Variants in RAG1 observed in about 807,000 individuals in gnomAD.
The protein encoded by RAG1 is V(D)J recombination-activating protein 1.
RAG1 carries 35 observed loss-of-function variants against 62.7 expected under a neutral mutation model. The observed-to-expected ratio is 0.56, with a 90% CI of 0.43 to 0.74. The LOEUF (loss-of-function observed/expected upper bound fraction) is 0.74. Ranked by LOEUF, RAG1 falls within the 30% of genes least tolerant of loss-of-function variation. The pLI is 0.00. For synonymous variants in RAG1, 461 were observed against 470.3 expected, an observed-to-expected ratio of 0.98 and a Z score of 0.26; for missense variants, 1,169 against 1,278.6, an observed-to-expected ratio of 0.91 and a Z score of 1.31.
At chr11:36,533,718 A>G (rs1293554244) in intron 2 of RAG1, among the ~76,000 whole-genome samples, 2 of 152,104 alleles carry the variant, frequency 1.3e-5, no homozygotes, top group Admixed American at 6.6e-5. Context: ...GGATGCCTCT[A>G]TTCTTTCCTT....
chr11:36,529,394 A>T (rs1490259880), intron 2 of RAG1, among the ~76,000 whole-genome samples: 1 of 152,324 alleles, frequency 6.6e-6, no homozygotes, highest in East Asian at 1.9e-4. Context: ...GACAAAAACC[A>T]CATGATTATG....
chr11:36,562,208 T>C (rs777898094), intron 3 of RAG1, among the ~76,000 whole-genome samples: 1 of 152,172 alleles, frequency 6.6e-6, no homozygotes, highest in Non-Finnish European at 1.5e-5. Context: ...GAGGAAGAGA[T>C]AAATGAAAGA....
chr11:36,511,679 C>T (rs984505425), intron 1 of RAG1, among the ~76,000 whole-genome samples: 2 of 152,192 alleles, frequency 1.3e-5, no homozygotes, highest in Admixed American at 6.5e-5. Flanking sequence ...TCTGTGTGCT[C>T]ACCACCCAGC....
chr11:36,548,173 G>A (rs1297313814), intron 3 of RAG1, among the ~76,000 whole-genome samples: 1 of 152,156 alleles, frequency 6.6e-6, no homozygotes, highest in African/African-American at 2.4e-5. Context: ...ATATCATACT[G>A]AATGGACAAA....
At chr11:36,572,563 A>G (rs764879767) in intron 1 of RAG1, among the ~76,000 whole-genome samples, 2 of 152,214 alleles carry the variant, frequency 1.3e-5, no homozygotes, top group Non-Finnish European at 2.9e-5. Flanking sequence ...ATCTCAGTCT[A>G]TGTACACTCA....
upstream of RAG1, among the ~76,000 whole-genome samples, chr11:36,567,614 A>G (rs976363353): frequency 6.6e-6 from 1 of 152,258 alleles, no homozygotes; most frequent in African/African-American, 2.4e-5. Flanking sequence ...AGAGGCAGAC[A>G]TCGTTTCAAG....
At chr11:36,546,103 G>T (rs10082652) in intron 3 of RAG1, among the ~76,000 whole-genome samples, 1 of 152,064 alleles carries the variant, frequency 6.6e-6, no homozygotes, top group African/African-American at 2.4e-5. Flanking sequence ...AGGTCCACTT[G>T]GTCCAGAGCT....
Position 36,574,861 on chromosome 11 carries a change from C to G in RAG1, c.1557C>G (p.His519Gln), listed in dbSNP as rs2133295987. ...AGGTACTTCTGCCAGGCTACCACCACTTTGAGTGGCAGCCACCTCTGAAGA... is the reference window on the plus strand; with the variant it reads ...AGGTACTTCTGCCAGGCTACCACCAGTTTGAGTGGCAGCCACCTCTGAAGA... ...AEKVLLPGYH[H>Q]FEWQPPLKNV... The change falls in exon 2 of 2, where the codon CAC (histidine) becomes CAG (glutamine). Residue 519 changes from histidine to glutamine, a missense_variant. His to Gln is a conservative substitution (Grantham distance 24). Coordinates refer to ENST00000299440, the MANE Select transcript of RAG1 (RefSeq NM_000448.3). 1 of 1,614,222 alleles carries G rather than the reference C, an allele frequency of 6.2e-7. No individual in the cohort carries two copies. The highest frequency in any genetic ancestry group is 8.5e-7 in the Non-Finnish European group (1 of 1,180,042).
At chr11:36,534,810 AT>A (rs1227121105) in intron 2 of RAG1, among the ~76,000 whole-genome samples, 1 of 152,072 alleles carries the variant, frequency 6.6e-6, no homozygotes, top group Non-Finnish European at 1.5e-5. Flanking sequence ...TTGTATGCCT[AT>A]TTCATTTATA....
At chr11:36,518,181 T>C (rs1341960155) in intron 1 of RAG1, among the ~76,000 whole-genome samples, 1 of 152,132 alleles carries the variant, frequency 6.6e-6, no homozygotes, top group Non-Finnish European at 1.5e-5. Flanking sequence ...CATCATTTTT[T>C]ATGGCTGCAT....
chr11:36,521,840 A>G (rs1055352078), intron 2 of RAG1, among the ~76,000 whole-genome samples: 21 of 152,198 alleles, frequency 1.4e-4, no homozygotes, highest in African/African-American at 5.1e-4. Flanking sequence ...ACTGGAGAAA[A>G]GGTGCCTCTT....
chr11:36,531,518 A>G (rs950211719), intron 2 of RAG1, among the ~76,000 whole-genome samples: 1 of 151,866 alleles, frequency 6.6e-6, no homozygotes, highest in Non-Finnish European at 1.5e-5. Context: ...TACATTATAT[A>G]TATGTATATA....
At chr11:36,540,524 C>T (rs1273567748), downstream of RAG1, among the ~76,000 whole-genome samples, 2 of 152,156 alleles carry the variant, frequency 1.3e-5, no homozygotes, top group Admixed American at 6.5e-5. Flanking sequence ...CCTGCCTCAG[C>T]CTCCCGAGTA....
intron 3 of RAG1, among the ~76,000 whole-genome samples, chr11:36,544,509 ATCT>A (rs1341345552): frequency 6.6e-6 from 1 of 152,206 alleles, no homozygotes; most frequent in Non-Finnish European, 1.5e-5. Context: ...GTCCTTGTGC[ATCT>A]TTCCAGAGAT....
At chr11:36,523,988 A>T (rs1860120634) in intron 2 of RAG1, among the ~76,000 whole-genome samples, 1 of 151,554 alleles carries the variant, frequency 6.6e-6, no homozygotes, top group South Asian at 2.1e-4. Context: ...CCACCTTTAA[A>T]CCCCCCAAAC....
In RAG1 at chr11:36,575,913, G is replaced by A; in HGVS notation, c.2609G>A (p.Cys870Tyr). 6.2e-7 allele frequency: 1 copy of A among 1,614,172 alleles called. No homozygotes were observed. The highest frequency in any genetic ancestry group is 8.5e-7 in the Non-Finnish European group (1 of 1,180,044). Residue 870 changes from cysteine (C) to tyrosine (Y), a missense_variant, in exon 2 of 2, where the codon TGT (cysteine) becomes TAT (tyrosine). Transcript: ENST00000299440. The surrounding 1 kb of genome is among the most constrained non-coding windows in gnomAD (Gnocchi z 4.1). The part of the protein sequence containing the change: ...LMTKETVDAV[C>Y]ELIPSEERHE... ...ACCAAAGAGACTGTGGATGCAGTTT[G>A]TGAGTTAATTCCTTCCGAGGAGAGG...
At chr11:36,571,838 G>A (rs1430593255) in intron 1 of RAG1, among the ~76,000 whole-genome samples, 8 of 152,068 alleles carry the variant, frequency 5.3e-5, no homozygotes, top group Non-Finnish European at 1.0e-4. Flanking sequence ...GGCTGGTCTC[G>A]AACTCCTGAC....
chr11:36,562,334 A>G (rs1850602147), intron 3 of RAG1, among the ~76,000 whole-genome samples: 1 of 152,152 alleles, frequency 6.6e-6, no homozygotes, highest in Non-Finnish European at 1.5e-5. Flanking sequence ...ATTGTATTTA[A>G]CGGTGTGCAA....
At chr11:36,571,266 T>C (rs1372238936) in intron 1 of RAG1, among the ~76,000 whole-genome samples, 1 of 152,140 alleles carries the variant, frequency 6.6e-6, no homozygotes, top group Non-Finnish European at 1.5e-5. Context: ...AAAGAATTAC[T>C]CAAAATATTG....
Sources: gnomAD v4.1 joint callset for allele counts (sites outside exome capture counted in the v4.1 genomes callset) on GRCh38, gnomAD v4.1.1 for gene constraint, Gnocchi (gnomAD v3.1) non-coding constraint, MANE v1.5 for transcripts, NCBI Gene and HGNC (gene_info 2026-07-23, HGNC 2026-07-21) for gene names.